Variants in SLC2A10 observed in about 807,000 individuals in gnomAD.
SLC2A10 encodes solute carrier family 2, facilitated glucose transporter member 10.
A neutral mutation model predicts 32.1 loss-of-function variants in SLC2A10; 25 were observed. That is an observed-to-expected ratio of 0.78 (90% CI 0.57 to 1.09). The LOEUF (loss-of-function observed/expected upper bound fraction) is 1.09, where lower values mean the gene tolerates loss of function less well. Ranked by LOEUF, SLC2A10 falls within the 50% of genes least tolerant of loss-of-function variation. The pLI, the probability that SLC2A10 is intolerant of heterozygous loss-of-function variation, is 0.00. For missense variants in SLC2A10, 673 were observed against 686.5 expected, an observed-to-expected ratio of 0.98 and a Z score of 0.22; for synonymous variants, 332 against 309.6, an observed-to-expected ratio of 1.07 and a Z score of -0.76.
rs1278674075 is a variant in SLC2A10, at chr20:46,735,603, G to A, written c.*1769G>A. On this transcript the variant is annotated 3_prime_UTR_variant, in exon 5 of 5. Transcript: ENST00000359271. The stretch of plus-strand genomic sequence containing the variant: ...CTGATTCCCCACTCAATGACATCAT[G>A]TTAGTCTTTGGTTGCTTAACTGGCT... The A allele has an allele frequency of 2.0e-5, 3 of 152,172 alleles. No individual in the cohort carries two copies. The highest frequency in any genetic ancestry group is 7.2e-5 in the African/African-American group (3 of 41,452). The allele number at this position is 152,172 out of a possible 1,614,324, so 9.4% of individuals were successfully genotyped here. A position where few individuals can be genotyped will look rare whatever the true frequency, so the allele number is the denominator to read the frequency against.
At chr20:46,712,498 A>G (rs1978974603) in intron 1 of SLC2A10, among the ~76,000 whole-genome samples, 1 of 152,192 alleles carries the variant, frequency 6.6e-6, no homozygotes, top group Non-Finnish European at 1.5e-5. Context: ...GATTTCCTCC[A>G]GTGTGGGACA....
At position 46,726,870 on chromosome 20, in the gene SLC2A10, G is replaced by C. The variant is rs1181704892; in HGVS notation, c.1295G>C (p.Trp432Ser). ...AFSFGFGPVT[W>S]LVLSEIYPVE... ...TCCTGCTCTCCCACCCTAGTGACCT[G>C]GCTTGTCCTCAGCGAGATCTACCCT... The change falls in exon 3 of 5, where the codon TGG becomes TCG. Residue 432 changes from tryptophan (W) to serine (S), a missense_variant. By Grantham distance (177) the Trp-to-Ser change is radical (BLOSUM62 -3). Transcript: ENST00000359271. The C allele has an allele frequency of 6.2e-7, 1 of 1,600,592 alleles. No homozygotes were observed. Among genetic ancestry groups the C allele is most frequent in the African/African-American group, 1.4e-5 (1 of 70,112 alleles).
chr20:46,733,278 G>T (rs890225193), intron 4 of SLC2A10, among the ~76,000 whole-genome samples: 5 of 152,122 alleles, frequency 3.3e-5, no homozygotes, highest in African/African-American at 1.2e-4. Flanking sequence ...GGAGCAGGGG[G>T]TGGTGCTGCA....
At position 46,711,150 on chromosome 20, in the gene SLC2A10, C is replaced by T. The variant is rs558342412; in HGVS notation, c.4+1410C>T. Among the ~76,000 whole-genome samples the T allele has an allele frequency of 1.5e-4, 23 of 152,350 alleles. No homozygotes were observed. In the East Asian group the frequency reaches 2.7e-3, roughly 18 times the overall value. ...TTGGGATTACAGGCGTGAGCCTCCG[C>T]GCCCGGCCCTGAATTAACTTCTCAA... On this transcript the variant is annotated intron_variant, in intron 1 of 4. Transcript: ENST00000359271.
In SLC2A10 at chr20:46,726,192, C is replaced by G. The variant is rs766250841; in HGVS notation, c.1156C>G (p.Pro386Ala). 6.2e-7 allele frequency: 1 copy of G among 1,614,114 alleles called. No individual in the cohort carries two copies. The highest frequency in any genetic ancestry group is 1.3e-5 in the African/African-American group (1 of 74,954). The part of the protein sequence containing the change: ...PHPRSGDPSA[P>A]PRLALSSALP... Reference sequence around the variant, plus strand: ...TCCCAGATCTGGAGACCCCTCAGCCCCTCCTCGGCTGGCCCTGAGCTCTGC... The same window carrying G: ...TCCCAGATCTGGAGACCCCTCAGCCGCTCCTCGGCTGGCCCTGAGCTCTGC... Residue 386 changes from proline (P) to alanine (A), a missense_variant, in exon 2 of 5, where the codon CCT becomes GCT. Transcript: ENST00000359271.
chr20:46,725,541 G>T lies in SLC2A10; in HGVS notation c.505G>T (p.Gly169Cys). ...CCCCTGGGGATGGAGGCACATGTTCGGCTGGGCCACTGCACCTGCTGTCCT... is the reference window on the plus strand; with the variant it reads ...CCCCTGGGGATGGAGGCACATGTTCTGCTGGGCCACTGCACCTGCTGTCCT... ...GTPWGWRHMF[G>C]WATAPAVLQS... The change falls in exon 2 of 5, where the codon GGC becomes TGC. Residue 169 changes from glycine (G) to cysteine (C), a missense_variant. Transcript: ENST00000359271. 1 of 1,614,096 alleles carries T rather than the reference G, an allele frequency of 6.2e-7. No homozygotes were observed. The highest frequency in any genetic ancestry group is 8.5e-7 in the Non-Finnish European group (1 of 1,179,994).
At chr20:46,718,147 C>T (rs773977488) in intron 1 of SLC2A10, among the ~76,000 whole-genome samples, 34 of 151,828 alleles carry the variant, frequency 2.2e-4, no homozygotes, top group Middle Eastern at 3.4e-3. Context: ...CACTTGAGCC[C>T]GGGAGGCAGA....
intron 1 of SLC2A10, among the ~76,000 whole-genome samples, chr20:46,713,045 A>G (rs1219449527): frequency 6.6e-6 from 1 of 152,002 alleles, no homozygotes; most frequent in Non-Finnish European, 1.5e-5. Flanking sequence ...TCATGAGCCA[A>G]GATCCTTTCT....
In SLC2A10 at chr20:46,725,512, G is replaced by T. The variant is rs983582627; in HGVS notation, c.476G>T (p.Gly159Val). Residue 159 changes from glycine (G) to valine (V), a missense_variant, in exon 2 of 5, where the codon GGT becomes GTT. By Grantham distance (109) the Gly-to-Val change is moderately radical (BLOSUM62 -3). Transcript: ENST00000359271. ...LSYALNYALA[G>V]TPWGWRHMFG... Reference sequence around the variant, plus strand: ...TATGCCCTCAACTATGCACTGGCTGGTACCCCCTGGGGATGGAGGCACATG... The same window carrying T: ...TATGCCCTCAACTATGCACTGGCTGTTACCCCCTGGGGATGGAGGCACATG... 7 of 1,614,134 alleles carry T rather than the reference G, an allele frequency of 4.3e-6. No homozygotes were observed. The highest frequency in any genetic ancestry group is 1.1e-5 in the South Asian group (1 of 91,086).
At chr20:46,729,332 C>T (rs986041362) in intron 3 of SLC2A10, 21 bp from the exon 4 acceptor site, 6 of 1,612,778 alleles carry the variant, frequency 3.7e-6, no homozygotes, top group Non-Finnish European at 5.1e-6. Flanking sequence ...TGGGCCTACA[C>T]TCCCGCCCTC....
At chr20:46,717,375 T>C (rs1979307768) in intron 1 of SLC2A10, among the ~76,000 whole-genome samples, 1 of 151,920 alleles carries the variant, frequency 6.6e-6, no homozygotes, top group Non-Finnish European at 1.5e-5. Context: ...TGTGGACCAG[T>C]TCACCTTTTT....
Position 46,726,261 on chromosome 20 carries a change from C to G in SLC2A10, c.1225C>G (p.Arg409Gly), listed in dbSNP as rs562212724. The G allele has an allele frequency of 9.9e-6, 16 of 1,613,246 alleles. No homozygotes were observed. The highest frequency in any genetic ancestry group is 1.4e-5 in the Non-Finnish European group (16 of 1,180,034). ...PLPARGHALL[R>G]WTALLCLMVF... ...GCCCGCTCGGGGGCATGCACTGCTGCGCTGGACCGCACTGCTGTGCCTGAT... is the reference window on the plus strand; with the variant it reads ...GCCCGCTCGGGGGCATGCACTGCTGGGCTGGACCGCACTGCTGTGCCTGAT... Residue 409 changes from arginine to glycine, a missense_variant, in exon 2 of 5, where the codon CGC becomes GGC. Transcript: ENST00000359271.
intron 4 of SLC2A10, among the ~76,000 whole-genome samples, 176 bp downstream of exon 4, chr20:46,729,664 T>G (rs1347747548): frequency 7.7e-5 from 9 of 117,274 alleles, no homozygotes; most frequent in Admixed American, 7.3e-4. Flanking sequence ...TTTTTTGAGA[T>G]GGAGTCTCGC....
At chr20:46,712,159 T>C (rs931334266) in intron 1 of SLC2A10, among the ~76,000 whole-genome samples, 5 of 152,200 alleles carry the variant, frequency 3.3e-5, no homozygotes, top group African/African-American at 9.6e-5. Context: ...TGGCTGGCTA[T>C]AGTGGGTACT....
chr20:46,721,990 T>A (rs922397090), intron 1 of SLC2A10, among the ~76,000 whole-genome samples: 10 of 152,226 alleles, frequency 6.6e-5, no homozygotes, highest in African/African-American at 2.4e-4. Flanking sequence ...TGTTTCCATG[T>A]GGAAGCAGTT....
At chr20:46,715,233 C>CGTTTGTTTGTTTGTTT (rs11472342) in intron 1 of SLC2A10, among the ~76,000 whole-genome samples, 54 of 151,254 alleles carry the variant, frequency 3.6e-4, no homozygotes, top group Admixed American at 1.1e-3. Flanking sequence ...TTTTATTTCA[C>CGTTTGTTTGTTTGTTT]GTTTGTTTGT....
At chr20:46,727,373 T>C (rs1354913207) in intron 3 of SLC2A10, among the ~76,000 whole-genome samples, 1 of 152,124 alleles carries the variant, frequency 6.6e-6, no homozygotes, top group Non-Finnish European at 1.5e-5. Context: ...CAGGCTGGAG[T>C]GCAGTGGCAC....
At chr20:46,709,830 C>A in intron 1 of SLC2A10, 90 bp downstream of exon 1, 1 of 1,469,370 alleles carries the variant, frequency 6.8e-7, no homozygotes, top group Non-Finnish European at 9.3e-7. Context: ...AGTGCGCGCC[C>A]CCTGGCTCCC....
intron 4 of SLC2A10, 138 bp downstream of exon 4, chr20:46,729,626 T>G (rs931070743): frequency 2.8e-4 from 8 of 28,796 alleles, no homozygotes; most frequent in South Asian, 1.6e-3. Flanking sequence ...GCACTATGAG[T>G]TTTTTTTTTT....
Sources: allele counts gnomAD v4.1 joint callset (sites outside exome capture counted in the v4.1 genomes callset), GRCh38; gene constraint gnomAD v4.1.1; transcripts MANE v1.5; gene names NCBI Gene and HGNC (gene_info 2026-07-23, HGNC 2026-07-21).